Variants in RNF122 observed in about 807,000 individuals in gnomAD.
The protein encoded by RNF122 is ring finger protein 122.
In RNF122, 17 loss-of-function variants were observed where a neutral mutation model predicts 24.2. That is an observed-to-expected ratio of 0.70 (90% CI 0.48 to 1.06). The LOEUF is 1.06. Ranked by LOEUF, RNF122 falls within the 50% of genes least tolerant of loss-of-function variation. RNF122 has a pLI of 0.00. For synonymous variants in RNF122, 65 were observed against 71.8 expected (o/e 0.91, Z 0.48); for missense variants, 168 against 198.1 (o/e 0.85, Z 0.91).
In RNF122 at chr8:33,555,551, C is replaced by T. The variant is rs1280317851; in HGVS notation, c.182+3064G>A. Reference sequence around the variant, plus strand: ...CAAAGAAAAAGAAATCAGCAATTCACAGCTCTCAAACCTGTCCTTCTGCAA... The same window carrying T: ...CAAAGAAAAAGAAATCAGCAATTCATAGCTCTCAAACCTGTCCTTCTGCAA... On this transcript the variant is annotated intron_variant, in intron 2 of 5. Transcript: ENST00000256257. 2.6e-5 allele frequency among the ~76,000 whole-genome samples: 4 copies of T among 152,222 alleles called. No homozygotes were observed. In the South Asian group the frequency reaches 6.2e-4, roughly 24 times the overall value.
intron 1 of RNF122, among the ~76,000 whole-genome samples, chr8:33,559,030 G>A (rs982628696): frequency 1.1e-4 from 17 of 152,294 alleles, no homozygotes; most frequent in African/African-American, 3.9e-4. Context: ...CAAGCTGGGT[G>A]TGGTGGCTCA....
intron 1 of RNF122, among the ~76,000 whole-genome samples, chr8:33,563,976 T>C (rs1219089190): frequency 6.6e-6 from 1 of 152,156 alleles, no homozygotes; most frequent in Non-Finnish European, 1.5e-5. Flanking sequence ...CTCCCACTGA[T>C]TGAATCAGTG....
At chr8:33,563,116 A>G (rs1303275440) in intron 1 of RNF122, among the ~76,000 whole-genome samples, 1 of 109,362 alleles carries the variant, frequency 9.1e-6, no homozygotes, top group African/African-American at 3.8e-5. Context: ...CAAGAAAAAA[A>G]GAAAAAAAAA....
In RNF122 at chr8:33,566,751, G is replaced by A. The variant is rs1422386549; in HGVS notation, c.-28C>T. On this transcript the variant is annotated 5_prime_UTR_variant, in exon 1 of 6. Transcript: ENST00000256257. ...ATGAAGTCGCGGTTGGCTTCCTCGG[G>A]CGAACGGACGCAGGCGGGGTGCCAG... is the stretch of plus-strand genomic sequence containing the variant. 5.0e-6 allele frequency: 8 copies of A among 1,599,268 alleles called. 1 individual carries two copies. The highest frequency in any genetic ancestry group is 6.8e-6 in the Non-Finnish European group (8 of 1,174,030).
rs1810316671 is a variant in RNF122, at chr8:33,548,225, T to C, written c.*528A>G. On this transcript the variant is annotated 3_prime_UTR_variant, in exon 6 of 6. Coordinates refer to ENST00000256257, the MANE Select transcript of RNF122 (RefSeq NM_024787.3). The stretch of plus-strand genomic sequence containing the variant: ...CCATGTAAACACTGACATTTTCCTT[T>C]ATGTCCCTGCTCTTCTGTTTCATAC... The C allele has an allele frequency of 6.6e-6, 1 of 152,646 alleles. No individual in the cohort carries two copies. The highest frequency in any genetic ancestry group is 2.4e-5 in the African/African-American group (1 of 41,440). 9.5% of individuals were successfully genotyped at this position (152,646 alleles called of 1,614,324 possible). A position where few individuals can be genotyped will look rare whatever the true frequency, so the allele number is the denominator to read the frequency against.
intron 5 of RNF122, among the ~76,000 whole-genome samples, 199 bp from the exon 6 acceptor site, chr8:33,549,066 C>T (rs932359546): frequency 6.6e-6 from 1 of 151,960 alleles, no homozygotes; most frequent in South Asian, 2.1e-4. Context: ...ACTAAAAATA[C>T]AAAAATTAGC....
intron 1 of RNF122, among the ~76,000 whole-genome samples, chr8:33,561,311 A>G (rs953645652): frequency 6.6e-6 from 1 of 152,182 alleles, no homozygotes; most frequent in Non-Finnish European, 1.5e-5. Context: ...ACTCAGCAGA[A>G]GGTGGCTTGA....
chr8:33,563,646 T>C (rs951897561), intron 1 of RNF122, among the ~76,000 whole-genome samples: 1 of 151,956 alleles, frequency 6.6e-6, no homozygotes, highest in African/African-American at 2.4e-5. Flanking sequence ...CTGGCTAGAG[T>C]GACAAACTTC....
intron 2 of RNF122, among the ~76,000 whole-genome samples, chr8:33,555,727 A>G (rs1252419153): frequency 4.6e-5 from 7 of 152,196 alleles, no homozygotes; most frequent in Non-Finnish European, 1.0e-4. Flanking sequence ...ATCTTCCTCT[A>G]TGTATCACCT....
At chr8:33,557,727 C>T (rs769106226) in intron 2 of RNF122, among the ~76,000 whole-genome samples, 1 of 151,946 alleles carries the variant, frequency 6.6e-6, no homozygotes, top group Non-Finnish European at 1.5e-5. Flanking sequence ...TGGAGTGTGG[C>T]GAGCCCTGCC....
chr8:33,566,322 T>C (rs1318632732), intron 1 of RNF122, among the ~76,000 whole-genome samples: 1 of 152,178 alleles, frequency 6.6e-6, no homozygotes, highest in African/African-American at 2.4e-5. Flanking sequence ...GAGCTCCCTC[T>C]AGGAGATCCC....
intron 1 of RNF122, among the ~76,000 whole-genome samples, chr8:33,565,836 C>T (rs1217448202): frequency 6.6e-6 from 1 of 152,170 alleles, no homozygotes; most frequent in Non-Finnish European, 1.5e-5. Context: ...GAGCTCTCTG[C>T]GAGGGTTTAT....
chr8:33,560,728 G>A (rs1342252290), intron 1 of RNF122, among the ~76,000 whole-genome samples: 1 of 151,978 alleles, frequency 6.6e-6, no homozygotes. Context: ...CTTGAGGTCA[G>A]GAGTTTGAGA....
chr8:33,559,422 A>C (rs983385538), intron 1 of RNF122, among the ~76,000 whole-genome samples: 9 of 152,160 alleles, frequency 5.9e-5, no homozygotes, highest in Admixed American at 1.3e-4. Flanking sequence ...TTTGGGTTCC[A>C]ACTCCCCCAT....
intron 2 of RNF122, among the ~76,000 whole-genome samples, chr8:33,553,552 CTGAG>C (rs1810406984): frequency 6.6e-6 from 1 of 152,074 alleles, no homozygotes; most frequent in South Asian, 2.1e-4. Flanking sequence ...GGCTGAACAA[CTGAG>C]TGAGACTCTG....
At chr8:33,554,593 CA>C (rs1409128847) in intron 2 of RNF122, among the ~76,000 whole-genome samples, 1 of 152,188 alleles carries the variant, frequency 6.6e-6, no homozygotes, top group Non-Finnish European at 1.5e-5. Flanking sequence ...GAGCAAAAAG[CA>C]AAAACCCTGG....
chr8:33,551,509 C>T (rs112888024), intron 2 of RNF122, 120 bp from the exon 3 acceptor site: 2 of 903,580 alleles, frequency 2.2e-6, no homozygotes, highest in Non-Finnish European at 1.8e-6. Context: ...GTCCCATACA[C>T]ACCACAGGGC....
intron 2 of RNF122, among the ~76,000 whole-genome samples, chr8:33,558,287 GAGAC>G (rs1350557588): frequency 6.6e-6 from 1 of 151,424 alleles, no homozygotes; most frequent in Non-Finnish European, 1.5e-5. Context: ...AGTAGGAATA[GAGAC>G]AGACAGACAA....
At chr8:33,560,657 C>T (rs574779393) in intron 1 of RNF122, among the ~76,000 whole-genome samples, 5 of 151,934 alleles carry the variant, frequency 3.3e-5, no homozygotes, top group African/African-American at 1.2e-4. Context: ...AAATGCTTGA[C>T]CAGGCATGGT....
Sources: gnomAD v4.1 joint callset for allele counts (sites outside exome capture counted in the v4.1 genomes callset) on GRCh38, gnomAD v4.1.1 for gene constraint, MANE v1.5 for transcripts, NCBI Gene and HGNC (gene_info 2026-07-23, HGNC 2026-07-21) for gene names.